The following GALNT5 variants were observed in gnomAD, a reference collection of about 807,000 sequenced individuals.
GALNT5 encodes the protein UDP-GalNAc:polypeptide N-acetylgalactosaminyltransferase 5.
GALNT5 carries 72 observed loss-of-function variants against 85.4 expected under a neutral mutation model. The ratio of observed to expected loss-of-function variants is 0.84; its 90% confidence interval spans 0.70 to 1.03. The LOEUF is 1.03. Ranked by LOEUF, GALNT5 falls within the 50% of genes least tolerant of loss-of-function variation. GALNT5 has a pLI of 0.00. For missense variants in GALNT5, 1,137 were observed against 1,135.5 expected (o/e 1.00, Z -0.02); for synonymous variants, 404 against 397.0 (o/e 1.02, Z -0.21).
chr2:157,295,591 C>T, intron 3 of GALNT5, 72 bp from the exon 4 acceptor site: 1 of 1,227,248 alleles, frequency 8.1e-7, no homozygotes, highest in Non-Finnish European at 1.2e-6. Flanking sequence ...ATCATCAATA[C>T]CTTTGAACAT....
intron 5 of GALNT5, 125 bp downstream of exon 5, chr2:157,296,638 T>C (rs1683220165): frequency 1.4e-6 from 1 of 696,798 alleles, no homozygotes; most frequent in Non-Finnish European, 2.3e-6. Context: ...TTCTAGCCAA[T>C]AGATTACCAA....
At chr2:157,289,662 A>T (rs1167712064) in intron 3 of GALNT5, among the ~76,000 whole-genome samples, 1 of 152,066 alleles carries the variant, frequency 6.6e-6, no homozygotes, top group Non-Finnish European at 1.5e-5. Flanking sequence ...CTGAAAAGGA[A>T]TTTTTTTCCC....
intron 1 of GALNT5, among the ~76,000 whole-genome samples, chr2:157,274,624 CTTCTT>C (rs1286448849): frequency 6.6e-6 from 1 of 152,094 alleles, no homozygotes; most frequent in African/African-American, 2.4e-5. Context: ...GCATAAATGT[CTTCTT>C]TTGAGAAGCG....
rs1484202359 is a variant in GALNT5, at chr2:157,317,193, TATA to T, written c.*5846_*5848del. Among the ~76,000 whole-genome samples, 1,501 of 139,226 alleles carry T rather than the reference TATA, an allele frequency of 0.011. 23 individuals are homozygous for T. Among genetic ancestry groups the T allele is most frequent in the African/African-American group, 0.04 (1,431 of 35,856 alleles). The allele number at this position is 139,226 out of a possible 152,430, so 91.3% of individuals were successfully genotyped here. A position where few individuals can be genotyped will look rare whatever the true frequency, so the allele number is the denominator to read the frequency against. On this transcript the variant is annotated 3_prime_UTR_variant, in exon 10 of 10. Transcript: ENST00000259056. The stretch of plus-strand genomic sequence containing the variant: ...GTGTGTGTATATATATATATATATA[TATA>T]TATTTTTTTTTTTGATGCTTTGATC...
intron 1 of GALNT5, among the ~76,000 whole-genome samples, chr2:157,273,132 GC>G (rs1330917371): frequency 2.0e-5 from 3 of 151,906 alleles, no homozygotes; most frequent in Middle Eastern, 6.8e-3. Context: ...TTGTGCTCTA[GC>G]CCCACCAATT....
In GALNT5 at chr2:157,311,237, G is replaced by A. The variant is rs1683563100; in HGVS notation, c.2712G>A (p.Gln904=). The A allele has an allele frequency of 6.2e-7, 1 of 1,610,148 alleles. No individual in the cohort carries two copies. The highest frequency in any genetic ancestry group is 8.5e-7 in the Non-Finnish European group (1 of 1,177,300). ...ATCACATTGTTTTTGAAAACAATCA[G>A]CAATTATTATGCTTGGAAGGAAATT... ...LVNHIVFENN[Q]QLLCLEGNFS... is the part of the protein sequence containing the mutation. Residue 904 remains glutamine, a synonymous_variant, in exon 10 of 10, where the codon CAG becomes CAA. Transcript: ENST00000259056.
chr2:157,271,481 T>C (rs563124884), intron 1 of GALNT5, among the ~76,000 whole-genome samples: 3 of 152,210 alleles, frequency 2.0e-5, no homozygotes, highest in Non-Finnish European at 2.9e-5. Flanking sequence ...GCAATAATCC[T>C]GGAGAAAGAG....
At chr2:157,294,135 C>G (rs1371527311) in intron 3 of GALNT5, among the ~76,000 whole-genome samples, 1 of 152,194 alleles carries the variant, frequency 6.6e-6, no homozygotes, top group Non-Finnish European at 1.5e-5. Flanking sequence ...GAGCTGAGCA[C>G]CCAGGTATCA....
chr2:157,259,617 T>G, intron 1 of GALNT5, 81 bp downstream of exon 1: 1 of 1,054,460 alleles, frequency 9.5e-7, no homozygotes, highest in African/African-American at 1.6e-5. Context: ...TAGATAATTC[T>G]GTGTGATTTT....
At position 157,295,798 on chromosome 2, in the gene GALNT5, G is replaced by C; in HGVS notation, c.1877G>C (p.Ser626Thr). 1 of 1,599,656 alleles carries C rather than the reference G, an allele frequency of 6.3e-7. No individual in the cohort carries two copies. Residue 626 changes from serine (S) to threonine (T), a missense_variant and splice_region_variant, in exon 4 of 10, where the codon AGT (serine) becomes ACT (threonine). Ser to Thr is a moderately conservative substitution (Grantham distance 58). Transcript: ENST00000259056. ...GAAGTCATCAATGATAAGGATATGA[G>C]GTAATATTTACACATTCCACAAGAT... The part of the protein sequence containing the change: ...VIEVINDKDM[S>T]YMTVDNFQRG...
At position 157,313,651 on chromosome 2, in the gene GALNT5, G is replaced by T. The variant is rs1260854085; in HGVS notation, c.*2303G>T. The T allele has an allele frequency of 4.6e-5, 7 of 151,882 alleles. No homozygotes were observed. The highest frequency in any genetic ancestry group is 4.6e-4 in the Admixed American group (7 of 15,242). The allele number at this position is 151,882 out of a possible 1,614,324, so 9.4% of individuals were successfully genotyped here. On this transcript the variant is annotated 3_prime_UTR_variant, in exon 10 of 10. Transcript: ENST00000259056. ...TTTATCCGAAAATAGTTTCCACAAA[G>T]AAGTCAACTCTGTTCTGAAAAAAAA...
At chr2:157,291,101 T>TA (rs1458823632) in intron 3 of GALNT5, among the ~76,000 whole-genome samples, 1 of 152,156 alleles carries the variant, frequency 6.6e-6, no homozygotes, top group Non-Finnish European at 1.5e-5. Context: ...ATTAAAAAGA[T>TA]AGAGTAAATG....
intron 2 of GALNT5, among the ~76,000 whole-genome samples, chr2:157,285,793 C>T (rs1004944395): frequency 1.3e-5 from 2 of 152,104 alleles, no homozygotes; most frequent in Admixed American, 6.5e-5. Context: ...ACACTGAAAA[C>T]AAACATTTGG....
At chr2:157,285,937 G>T in intron 2 of GALNT5, 78 bp from the exon 3 acceptor site, 1 of 998,014 alleles carries the variant, frequency 1.0e-6, no homozygotes, top group South Asian at 1.6e-5. Flanking sequence ...TTTGGCATTT[G>T]ACTTTGGGGA....
At chr2:157,269,028 G>T (rs572273054) in intron 1 of GALNT5, among the ~76,000 whole-genome samples, 1 of 152,250 alleles carries the variant, frequency 6.6e-6, no homozygotes, top group South Asian at 2.1e-4. Context: ...CTTGAATTAG[G>T]TTGGTGTAGG....
chr2:157,313,610 G>T lies in GALNT5; in HGVS notation c.*2262G>T, dbSNP rs1254356498. The T allele has an allele frequency of 6.6e-6, 1 of 151,976 alleles. No homozygotes were observed. Among genetic ancestry groups the T allele is most frequent in the Admixed American group, 6.6e-5 (1 of 15,252 alleles). The allele number at this position is 151,976 out of a possible 1,614,324, so 9.4% of individuals were successfully genotyped here. On this transcript the variant is annotated 3_prime_UTR_variant, in exon 10 of 10. Transcript: ENST00000259056. ...ATGTTGAGAGGTTTTTTTCCCCCGG[G>T]TATATAGGCTCTCTTTTTATCCGAA...
rs13417026 is a variant in GALNT5 at position 157,315,029 on chromosome 2, A to G, written c.*3681A>G. Among the ~76,000 whole-genome samples, 17,880 of 152,028 alleles carry G rather than the reference A, an allele frequency of 0.12. 2,854 individuals carry two copies. The highest frequency in any genetic ancestry group is 0.37 in the African/African-American group (15,245 of 41,396). ...GGAGGTGGAGGTTGCAGTGAGCTGA[A>G]ATTGCGCCACTGCACTCCAGCCTAG... On this transcript the variant is annotated 3_prime_UTR_variant, in exon 10 of 10. Coordinates refer to ENST00000259056, the MANE Select transcript of GALNT5 (RefSeq NM_014568.3).
Position 157,259,091 on chromosome 2 carries a change from G to A in GALNT5, c.1009G>A (p.Glu337Lys). 1.3e-6 allele frequency: 2 copies of A among 1,483,174 alleles called. No homozygotes were observed. The highest frequency in any genetic ancestry group is 1.8e-6 in the Non-Finnish European group (2 of 1,115,584). 91.9% of individuals were successfully genotyped at this position (1,483,174 alleles called of 1,614,324 possible). Reference sequence around the variant, plus strand: ...GGAAGAGCAAAAGGCAGACCCCAAAGAGGTCTCTAATTCTAAAACCAAAAC... The same window carrying A: ...GGAAGAGCAAAAGGCAGACCCCAAAAAGGTCTCTAATTCTAAAACCAAAAC... ...KEEEQKADPKEVSNSKTKTIF... is the reference protein window; with the variant it reads ...KEEEQKADPKKVSNSKTKTIF... The change falls in exon 1 of 10, where the codon GAG (glutamate) becomes AAG (lysine). Residue 337 changes from glutamate (E) to lysine (K), a missense_variant. Coordinates refer to ENST00000259056, the MANE Select transcript of GALNT5 (RefSeq NM_014568.3).
chr2:157,318,088 T>G lies in GALNT5; in HGVS notation c.*6740T>G, dbSNP rs188253924. On this transcript the variant is annotated 3_prime_UTR_variant, in exon 10 of 10. Transcript: ENST00000259056. ...TCAAGTTTTAAGAGAAGTGGTTGCC[T>G]TTCTCATACTGTCAAACATATTTCT... Among the ~76,000 whole-genome samples, 1 of 152,288 alleles carries G rather than the reference T, an allele frequency of 6.6e-6. No individual in the cohort carries two copies. The highest frequency in any genetic ancestry group is 6.5e-5 in the Admixed American group (1 of 15,286).
Sources: allele counts gnomAD v4.1 joint callset (sites outside exome capture counted in the v4.1 genomes callset), GRCh38; gene constraint gnomAD v4.1.1; transcripts MANE v1.5; gene names NCBI Gene and HGNC (gene_info 2026-07-23, HGNC 2026-07-21).